The following ABCC4 variants were observed in gnomAD, a reference collection of about 807,000 sequenced individuals.
The protein encoded by ABCC4 is ATP binding cassette subfamily C member 4 (PEL blood group).
In ABCC4, 102 loss-of-function variants were observed where a neutral mutation model predicts 168.5. The ratio of observed to expected loss-of-function variants is 0.61; its 90% CI spans 0.52 to 0.71. ABCC4 has a LOEUF of 0.71. ABCC4 is among the 30% of genes least tolerant of loss of function. ABCC4 has a pLI of 0.00. For missense variants in ABCC4, 1,402 were observed against 1,605.8 expected (o/e 0.87, Z 2.17); for synonymous variants, 617 against 590.7 (o/e 1.04, Z -0.65).
At chr13:95,060,256 T>A (rs1029880784) in intron 26 of ABCC4, among the ~76,000 whole-genome samples, 9 of 152,226 alleles carry the variant, frequency 5.9e-5, no homozygotes, top group African/African-American at 1.7e-4. Flanking sequence ...CTGGACTACA[T>A]ACATAGAGCA....
At chr13:95,216,742 G>T (rs2138696818) in intron 4 of ABCC4, among the ~76,000 whole-genome samples, 1 of 152,016 alleles carries the variant, frequency 6.6e-6, no homozygotes, top group Middle Eastern at 3.4e-3. Context: ...TGGTGAGATT[G>T]ACAGTGATTA....
rs3751333 is a variant in ABCC4, at chr13:95,301,363, G to A, written c.-49C>T. ...GCCGGGGTCGCGCTGATCAGGCGGC[G>A]GTGGCCGCGGGCTCCGCTCCTGGAC... On this transcript the variant is annotated 5_prime_UTR_variant, in exon 1 of 31. Coordinates refer to ENST00000645237, the MANE Select transcript of ABCC4 (RefSeq NM_005845.5). The A allele has an allele frequency of 0.024, 36,803 of 1,506,190 alleles. 594 individuals are homozygous for A. The highest frequency in any genetic ancestry group is 0.06 in the East Asian group (2,288 of 37,984). The allele number at this position is 1,506,190 out of a possible 1,614,324, so 93.3% of individuals were successfully genotyped here. A position where few individuals can be genotyped will look rare whatever the true frequency, so the allele number is the denominator to read the frequency against.
At chr13:95,293,009 C>A (rs557983068) in intron 1 of ABCC4, among the ~76,000 whole-genome samples, 2 of 152,098 alleles carry the variant, frequency 1.3e-5, no homozygotes, top group African/African-American at 2.4e-5. Flanking sequence ...GACGACATAG[C>A]GACTGAGGGG....
intron 11 of ABCC4, among the ~76,000 whole-genome samples, chr13:95,186,156 T>C (rs952243849): frequency 3.3e-5 from 5 of 150,828 alleles, no homozygotes; most frequent in African/African-American, 7.5e-5. Flanking sequence ...ATTCTGGTGA[T>C]TTTTTTTCTT....
At chr13:95,048,826 C>T (rs1197264143) in intron 27 of ABCC4, among the ~76,000 whole-genome samples, 1 of 151,542 alleles carries the variant, frequency 6.6e-6, no homozygotes, top group African/African-American at 2.4e-5. Flanking sequence ...ACAGAAATAA[C>T]GTGCTGCTGA....
chr13:95,151,527 G>A, intron 19 of ABCC4, among the ~76,000 whole-genome samples: 2 of 135,120 alleles, frequency 1.5e-5, no homozygotes, highest in South Asian at 2.3e-4. Flanking sequence ...AAGGAAGAAG[G>A]AAGAAGAATG....
At chr13:95,295,035 G>A (rs1410912456) in intron 1 of ABCC4, among the ~76,000 whole-genome samples, 7 of 152,144 alleles carry the variant, frequency 4.6e-5, no homozygotes, top group African/African-American at 1.7e-4. Flanking sequence ...CTAAACCGCA[G>A]AGGATCAAGG....
intron 20 of ABCC4, among the ~76,000 whole-genome samples, chr13:95,099,278 T>C (rs1457555089): frequency 6.6e-6 from 1 of 152,172 alleles, no homozygotes; most frequent in African/African-American, 2.4e-5. Context: ...GTTCCATTTA[T>C]ACGTAGTTCA....
At chr13:95,029,975 C>T (rs777999746) in intron 30 of ABCC4, among the ~76,000 whole-genome samples, 26 of 138,706 alleles carry the variant, frequency 1.9e-4, no homozygotes, top group Non-Finnish European at 3.7e-4. Flanking sequence ...GATGTCAGGA[C>T]TTCTTGTCTA....
rs1566596505 is a variant in ABCC4 at position 95,281,323 on chromosome 13, A to AG, written c.74+19917_74+19918insC. The stretch of plus-strand genomic sequence containing the variant: ...TCAAAAAAAAAAAAAAAAAAAAAAA[A>AG]AGAGAGAGAGAAAGTTGAGAGCATA... On this transcript the variant is annotated intron_variant, in intron 1 of 30. Transcript: ENST00000645237. 3.7e-5 allele frequency among the ~76,000 whole-genome samples: 5 copies of AG among 135,018 alleles called. No individual in the cohort carries two copies. The South Asian group carries it at 7.7e-4, about 21-fold the overall frequency. 88.6% of individuals were successfully genotyped at this position (135,018 alleles called of 152,430 possible).
chr13:95,204,857 A>C (rs988521736), intron 8 of ABCC4, among the ~76,000 whole-genome samples: 1 of 152,178 alleles, frequency 6.6e-6, no homozygotes, highest in Non-Finnish European at 1.5e-5. Flanking sequence ...ACATGAAATA[A>C]CATGTACAGG....
chr13:95,029,988 TATCCATCCATCCATCC>T (rs71207571), intron 30 of ABCC4, among the ~76,000 whole-genome samples: 3 of 146,326 alleles, frequency 2.1e-5, no homozygotes, highest in Non-Finnish European at 3.0e-5. Flanking sequence ...CTTGTCTATC[TATCCATCCATCCATCC>T]ATCCATCCAT....
intron 19 of ABCC4, among the ~76,000 whole-genome samples, chr13:95,158,209 G>A (rs1444446197): frequency 6.6e-6 from 1 of 152,152 alleles, no homozygotes; most frequent in Non-Finnish European, 1.5e-5. Flanking sequence ...GACCCTTCCA[G>A]AAGGTCTGGT....
Position 95,209,565 on chromosome 13 carries a change from T to C in ABCC4, c.654A>G (p.Gly218=), listed in dbSNP as rs1566529598. 2 of 1,613,788 alleles carry C rather than the reference T, an allele frequency of 1.2e-6. No homozygotes were observed. Among genetic ancestry groups the C allele is most frequent in the South Asian group, 2.2e-5 (2 of 91,016 alleles). Reference sequence around the variant, plus strand: ...CAGTCACTGCAATCGCCTGCAGTGGTCCTGCCCACAGGAAGTGTAAGAACA... The same window carrying C: ...CAGTCACTGCAATCGCCTGCAGTGGCCCTGCCCACAGGAAGTGTAAGAACA... The part of the protein sequence containing the change: ...VTVFLHFLWA[G]PLQAIAVTAL... Residue 218 remains glycine, a synonymous_variant, in exon 6 of 31, where the codon GGA becomes GGG. Transcript: ENST00000645237.
rs578221643 is a variant in ABCC4, at chr13:95,047,762, C to T, written c.3457-3324G>A. Among the ~76,000 whole-genome samples, 18 of 152,294 alleles carry T rather than the reference C, an allele frequency of 1.2e-4. No individual in the cohort carries two copies. The South Asian group carries it at 3.7e-3, about 32-fold the overall frequency. On this transcript the variant is annotated intron_variant, in intron 27 of 30. Transcript: ENST00000645237. ...CCTCCCAAAGTGCTGGGATTACAGGCGTGAGCCACTACGCCCAGCCGCCTA... is the reference window on the plus strand; with the variant it reads ...CCTCCCAAAGTGCTGGGATTACAGGTGTGAGCCACTACGCCCAGCCGCCTA...
intron 19 of ABCC4, among the ~76,000 whole-genome samples, chr13:95,155,575 T>C (rs1435044345): frequency 6.6e-6 from 1 of 152,204 alleles, no homozygotes; most frequent in Non-Finnish European, 1.5e-5. Context: ...GAAAAAAGAA[T>C]GATATGAATC....
intron 16 of ABCC4, among the ~76,000 whole-genome samples, chr13:95,163,957 C>G (rs1462436917): frequency 6.7e-6 from 1 of 148,948 alleles, no homozygotes; most frequent in Non-Finnish European, 1.5e-5. Flanking sequence ...AGGAGAATTG[C>G]TTAAACCCCA....
chr13:95,122,771 G>A (rs2035618173), intron 19 of ABCC4, among the ~76,000 whole-genome samples: 1 of 152,158 alleles, frequency 6.6e-6, no homozygotes, highest in African/African-American at 2.4e-5. Flanking sequence ...TAATGCGAGT[G>A]CCTTTATACT....
intron 27 of ABCC4, among the ~76,000 whole-genome samples, chr13:95,048,932 T>G (rs974019873): frequency 6.6e-6 from 1 of 152,214 alleles, no homozygotes; most frequent in African/African-American, 2.4e-5. Context: ...ATTTACAGAG[T>G]TGCTCTTATT....
Sources: gnomAD v4.1 joint callset for allele counts (sites outside exome capture counted in the v4.1 genomes callset) on GRCh38, gnomAD v4.1.1 for gene constraint, MANE v1.5 for transcripts, NCBI Gene and HGNC (gene_info 2026-07-23, HGNC 2026-07-21) for gene names.